The following SLC8A1 variants were observed in gnomAD, a reference collection of about 807,000 sequenced individuals.
SLC8A1 encodes solute carrier family 8 member A1, also known as sodium/calcium exchanger 1.
In SLC8A1, 18 loss-of-function variants were observed where a neutral mutation model predicts 68.3. The observed-to-expected ratio is 0.26, with a 90% confidence interval of 0.18 to 0.39. The LOEUF (loss-of-function observed/expected upper bound fraction) is 0.39, where lower values mean the gene tolerates loss of function less well. Ranked by LOEUF, SLC8A1 falls within the 10% of genes least tolerant of loss-of-function variation. The pLI is 1.00. For missense variants in SLC8A1, 985 were observed against 1,156.7 expected, an observed-to-expected ratio of 0.85 and a Z score of 2.15; for synonymous variants, 475 against 415.5, an observed-to-expected ratio of 1.14 and a Z score of -1.74.
chr2:40,268,717 A>G (rs2065664869), intron 2 of SLC8A1, among the ~76,000 whole-genome samples: 1 of 152,130 alleles, frequency 6.6e-6, no homozygotes, highest in African/African-American at 2.4e-5. Flanking sequence ...GCAAACTCCA[A>G]AGTCCTCAAA....
At chr2:40,474,512 C>T (rs773945284) in intron 1 of SLC8A1, among the ~76,000 whole-genome samples, 1 of 152,148 alleles carries the variant, frequency 6.6e-6, no homozygotes, top group Non-Finnish European at 1.5e-5. Flanking sequence ...TTAATGTCAG[C>T]TTCCCCGTTT....
intron 2 of SLC8A1, among the ~76,000 whole-genome samples, chr2:40,180,038 C>T (rs1037882829): frequency 6.6e-6 from 1 of 152,224 alleles, no homozygotes; most frequent in Middle Eastern, 3.4e-3. Flanking sequence ...AAACTCCTTT[C>T]TATCTCATTT....
intron 2 of SLC8A1, among the ~76,000 whole-genome samples, chr2:40,404,422 A>G (rs996959738): frequency 6.6e-6 from 1 of 152,202 alleles, no homozygotes; most frequent in Non-Finnish European, 1.5e-5. Context: ...ATGACAATAC[A>G]TTTTTTGCAA....
intron 2 of SLC8A1, among the ~76,000 whole-genome samples, chr2:40,195,234 A>G (rs924716862): frequency 6.6e-6 from 1 of 152,116 alleles, no homozygotes; most frequent in East Asian, 1.9e-4. Context: ...GTTTCTGAGT[A>G]TCTGGAAGAA....
At chr2:40,315,938 A>T (rs1345158927) in intron 2 of SLC8A1, among the ~76,000 whole-genome samples, 1 of 152,076 alleles carries the variant, frequency 6.6e-6, no homozygotes, top group Non-Finnish European at 1.5e-5. Flanking sequence ...CAAGTTAAGT[A>T]ATTACACTGG....
intron 2 of SLC8A1, among the ~76,000 whole-genome samples, chr2:40,198,602 G>GAAATGAATTCCAC (rs1365434881): frequency 3.3e-5 from 5 of 151,930 alleles, no homozygotes; most frequent in African/African-American, 1.2e-4. Context: ...CCTGCAGTGA[G>GAAATGAATTCCAC]AAATGAATTC....
chr2:40,441,098 T>C (rs1700393844), intron 1 of SLC8A1, among the ~76,000 whole-genome samples: 1 of 152,120 alleles, frequency 6.6e-6, no homozygotes, highest in Admixed American at 6.5e-5. Flanking sequence ...ACAAAATGGA[T>C]GTGCAAATAT....
intron 2 of SLC8A1, chr2:40,190,655 GCAAA>G (rs1307424861): frequency 1.3e-5 from 2 of 152,176 alleles, no homozygotes; most frequent in Non-Finnish European, 2.9e-5. Flanking sequence ...CTCATGCAAT[GCAAA>G]CAAATACTTC....
intron 3 of SLC8A1, among the ~76,000 whole-genome samples, chr2:40,176,345 A>G (rs553953337): frequency 1.3e-5 from 2 of 152,336 alleles, no homozygotes; most frequent in South Asian, 4.1e-4. Context: ...TAAAACGGCA[A>G]TTGTAAGAGC....
At chr2:40,336,713 G>C (rs1315020963) in intron 2 of SLC8A1, among the ~76,000 whole-genome samples, 1 of 152,124 alleles carries the variant, frequency 6.6e-6, no homozygotes, top group African/African-American at 2.4e-5. Flanking sequence ...TCTGTGTACT[G>C]CCAGCATGTT....
chr2:40,314,612 A>C (rs1188517199), intron 2 of SLC8A1, among the ~76,000 whole-genome samples: 2 of 152,062 alleles, frequency 1.3e-5, no homozygotes, highest in African/African-American at 4.8e-5. Context: ...TATCTTAAAA[A>C]TATGATGTTT....
chr2:40,409,153 A>G (rs1353723414), intron 2 of SLC8A1, among the ~76,000 whole-genome samples: 1 of 152,196 alleles, frequency 6.6e-6, no homozygotes, highest in Non-Finnish European at 1.5e-5. Flanking sequence ...TTTTCTCAGA[A>G]CAAATTTCCC....
intron 2 of SLC8A1, among the ~76,000 whole-genome samples, chr2:40,369,763 G>A (rs925429565): frequency 5.9e-5 from 9 of 151,964 alleles, no homozygotes; most frequent in Admixed American, 6.6e-5. Context: ...TGAGCCATTG[G>A]CCAGAGCCAA....
At chr2:40,406,238 A>G (rs577533606) in intron 2 of SLC8A1, among the ~76,000 whole-genome samples, 54 of 152,310 alleles carry the variant, frequency 3.5e-4, no homozygotes, top group Middle Eastern at 6.8e-3. Context: ...TCCCTATAGA[A>G]CATTTTCTTT....
At chr2:40,229,689 AAC>A (rs1473116096) in intron 2 of SLC8A1, among the ~76,000 whole-genome samples, 5 of 149,988 alleles carry the variant, frequency 3.3e-5, no homozygotes, top group Non-Finnish European at 7.5e-5. Context: ...TGATCCTCCA[AAC>A]ATAACCTAAC....
intron 2 of SLC8A1, among the ~76,000 whole-genome samples, chr2:40,180,964 CT>C (rs11316172): frequency 0.76 from 114,471 of 151,430 alleles, 43,991 homozygotes; most frequent in Middle Eastern, 0.84. Flanking sequence ...TATTTTCTTT[CT>C]TTTTTTTTGT....
intron 2 of SLC8A1, among the ~76,000 whole-genome samples, chr2:40,250,076 C>G (rs1472405429): frequency 6.6e-6 from 1 of 152,044 alleles, no homozygotes; most frequent in Non-Finnish European, 1.5e-5. Flanking sequence ...TAACAAGCTA[C>G]AGAACAATTC....
chr2:40,457,649 A>G (rs1163766897), intron 1 of SLC8A1, among the ~76,000 whole-genome samples: 1 of 152,232 alleles, frequency 6.6e-6, no homozygotes, highest in African/African-American at 2.4e-5. Context: ...GACCTAAAGA[A>G]TCCTTAGTAA....
At chr2:40,287,007 C>A (rs1303253011) in intron 2 of SLC8A1, among the ~76,000 whole-genome samples, 1 of 152,152 alleles carries the variant, frequency 6.6e-6, no homozygotes, top group African/African-American at 2.4e-5. Flanking sequence ...TGAGGGTTCT[C>A]AAGTAATATC....
Sources: allele counts gnomAD v4.1 joint callset (sites outside exome capture counted in the v4.1 genomes callset), GRCh38; gene constraint gnomAD v4.1.1; transcripts MANE v1.5; gene names NCBI Gene and HGNC (gene_info 2026-07-23, HGNC 2026-07-21).